Variants in PPFIA2 observed in about 807,000 individuals in gnomAD.
The protein encoded by PPFIA2 is PPFI scaffold protein A2, also known as liprin-alpha-2.
PPFIA2 carries 46 observed loss-of-function variants against 175.5 expected under a neutral mutation model. The observed-to-expected ratio is 0.26, with a 90% CI of 0.21 to 0.34. The LOEUF is 0.34. PPFIA2 is among the 10% of genes least tolerant of loss of function. PPFIA2 has a pLI of 1.00. For missense variants in PPFIA2, 1,179 were observed against 1,506.1 expected, an observed-to-expected ratio of 0.78 and a Z score of 3.60; for synonymous variants, 568 against 511.4, an observed-to-expected ratio of 1.11 and a Z score of -1.49.
At chr12:81,385,079 C>T (rs565178479) in intron 8 of PPFIA2, among the ~76,000 whole-genome samples, 2 of 152,032 alleles carry the variant, frequency 1.3e-5, no homozygotes, top group Non-Finnish European at 2.9e-5. Context: ...AGAAGACATA[C>T]AGATGACCAG....
chr12:81,523,921 C>T (rs1459176001), intron 4 of PPFIA2, among the ~76,000 whole-genome samples: 1 of 152,128 alleles, frequency 6.6e-6, no homozygotes, highest in African/African-American at 2.4e-5. Flanking sequence ...ATTCTTAGAA[C>T]AAAACTGAAC....
chr12:81,483,711 T>C (rs953047351), intron 4 of PPFIA2, among the ~76,000 whole-genome samples: 3 of 151,970 alleles, frequency 2.0e-5, no homozygotes, highest in Admixed American at 6.6e-5. Flanking sequence ...TATGAAAAAC[T>C]GTAAGGAAAA....
At chr12:81,440,956 G>A (rs887771005) in intron 6 of PPFIA2, among the ~76,000 whole-genome samples, 4 of 151,062 alleles carry the variant, frequency 2.6e-5, no homozygotes, top group South Asian at 2.1e-4. Flanking sequence ...GTGGGTTTTC[G>A]ATTATTTATA....
At chr12:81,488,389 T>A (rs2059070960) in intron 4 of PPFIA2, among the ~76,000 whole-genome samples, 1 of 151,706 alleles carries the variant, frequency 6.6e-6, no homozygotes, top group Admixed American at 6.6e-5. Flanking sequence ...GCCTCCCTGC[T>A]CTGTCATAAC....
chr12:81,749,363 T>G (rs1020951691), intron 3 of PPFIA2, among the ~76,000 whole-genome samples: 3 of 143,716 alleles, frequency 2.1e-5, no homozygotes, highest in African/African-American at 7.3e-5. Context: ...AGAGCCAAAC[T>G]TTTTTCCCCA....
At chr12:81,752,568 G>A (rs537468869) in intron 3 of PPFIA2, among the ~76,000 whole-genome samples, 34 of 152,196 alleles carry the variant, frequency 2.2e-4, no homozygotes, top group Admixed American at 1.2e-3. Context: ...GCCTGAAAAC[G>A]AAAAGGACTA....
At chr12:81,473,659 T>C (rs1593541539) in intron 4 of PPFIA2, among the ~76,000 whole-genome samples, 1 of 152,196 alleles carries the variant, frequency 6.6e-6, no homozygotes, top group African/African-American at 2.4e-5. Flanking sequence ...GCACCCAAGA[T>C]GAATTTTATT....
chr12:81,282,891 C>T, intron 26 of PPFIA2, 119 bp downstream of exon 26: 1 of 762,178 alleles, frequency 1.3e-6, no homozygotes, highest in East Asian at 2.7e-5. Context: ...CTATACACAT[C>T]AGCCTAATAT....
At chr12:81,705,922 T>C (rs1488026817) in intron 3 of PPFIA2, among the ~76,000 whole-genome samples, 2 of 152,244 alleles carry the variant, frequency 1.3e-5, no homozygotes, top group East Asian at 1.9e-4. Flanking sequence ...CACAGATAGG[T>C]ATTTAGCACT....
chr12:81,406,210 T>G (rs930759169), intron 7 of PPFIA2, among the ~76,000 whole-genome samples: 2 of 152,180 alleles, frequency 1.3e-5, no homozygotes, highest in Non-Finnish European at 1.5e-5. Flanking sequence ...ATTCACGTGA[T>G]GTTAATTCAG....
At chr12:81,666,414 T>C (rs1339899715) in intron 4 of PPFIA2, among the ~76,000 whole-genome samples, 1 of 152,148 alleles carries the variant, frequency 6.6e-6, no homozygotes, top group African/African-American at 2.4e-5. Flanking sequence ...ATATACACCA[T>C]GGAATATTAT....
At chr12:81,593,585 G>A (rs569325272) in intron 4 of PPFIA2, among the ~76,000 whole-genome samples, 71 of 152,234 alleles carry the variant, frequency 4.7e-4, no homozygotes, top group Non-Finnish European at 2.5e-4. Flanking sequence ...GGATTATAAC[G>A]AAGCATAAAA....
At chr12:81,396,396 C>T (rs959370778) in intron 8 of PPFIA2, among the ~76,000 whole-genome samples, 1 of 151,994 alleles carries the variant, frequency 6.6e-6, no homozygotes, top group African/African-American at 2.4e-5. Flanking sequence ...TATGTTATGA[C>T]ATTTGAACAA....
At chr12:81,549,278 A>G (rs898387884) in intron 4 of PPFIA2, among the ~76,000 whole-genome samples, 3 of 152,146 alleles carry the variant, frequency 2.0e-5, no homozygotes, top group African/African-American at 7.2e-5. Context: ...CTGGAAAGAT[A>G]TCAGTCACTA....
In PPFIA2 at chr12:81,401,055, G is replaced by T. The variant is rs1479065295; in HGVS notation, c.762+4732C>A. The stretch of plus-strand genomic sequence containing the variant: ...AGTTCAAATCCCACCATCTTAAAAA[G>T]ATCCCTTCTTTAATGTCTTCACCAC... On this transcript the variant is annotated intron_variant, in intron 8 of 32. Transcript: ENST00000549396. Among the ~76,000 whole-genome samples, 3 of 152,008 alleles carry T rather than the reference G, an allele frequency of 2.0e-5. No individual in the cohort carries two copies. In the South Asian group the frequency reaches 6.2e-4, roughly 32 times the overall value.
intron 19 of PPFIA2, among the ~76,000 whole-genome samples, chr12:81,342,145 C>A (rs2058210572): frequency 6.6e-6 from 1 of 151,884 alleles, no homozygotes; most frequent in East Asian, 1.9e-4. Context: ...GTACAGAATC[C>A]AGAATGACTC....
chr12:81,714,045 A>G (rs527888728), intron 3 of PPFIA2, among the ~76,000 whole-genome samples: 1 of 151,150 alleles, frequency 6.6e-6, no homozygotes, highest in African/African-American at 2.4e-5. Context: ...CTGGAAGAAG[A>G]CTATTTTAGG....
At chr12:81,411,696 C>G (rs2043999411) in intron 7 of PPFIA2, among the ~76,000 whole-genome samples, 1 of 151,958 alleles carries the variant, frequency 6.6e-6, no homozygotes, top group South Asian at 2.1e-4. Context: ...TCATTTATCT[C>G]AAAAATATTC....
intron 22 of PPFIA2, among the ~76,000 whole-genome samples, chr12:81,300,803 G>GATAT (rs140618215): frequency 2.6e-5 from 4 of 151,468 alleles, no homozygotes; most frequent in Admixed American, 1.3e-4. Context: ...CACTGTGACA[G>GATAT]ATATATATAT....
Sources: allele counts gnomAD v4.1 joint callset (sites outside exome capture counted in the v4.1 genomes callset), GRCh38; gene constraint gnomAD v4.1.1; transcripts MANE v1.5; gene names NCBI Gene and HGNC (gene_info 2026-07-23, HGNC 2026-07-21).